The following CACNA2D3 variants were observed in gnomAD, a reference collection of about 807,000 sequenced individuals.
The protein encoded by CACNA2D3 is calcium voltage-gated channel auxiliary subunit alpha2delta 3.
In CACNA2D3, 60 loss-of-function variants were observed where a neutral mutation model predicts 160.6. The observed-to-expected ratio is 0.37, with a 90% CI of 0.30 to 0.46. CACNA2D3 has a LOEUF of 0.46. Among genes scored for constraint, CACNA2D3 ranks in the 20% least tolerant of loss-of-function variants. The pLI, the probability that CACNA2D3 is intolerant of heterozygous loss-of-function variation, is 1.00. For missense variants in CACNA2D3, 1,205 were observed against 1,365.0 expected (o/e 0.88, Z 1.85); for synonymous variants, 558 against 492.9 (o/e 1.13, Z -1.75).
chr3:54,159,746 T>C (rs1700308441), intron 2 of CACNA2D3, among the ~76,000 whole-genome samples: 1 of 152,184 alleles, frequency 6.6e-6, no homozygotes, highest in South Asian at 2.1e-4. Context: ...AGAATTTCCC[T>C]CTTTTGAAAA....
intron 16 of CACNA2D3, among the ~76,000 whole-genome samples, chr3:54,842,428 C>A (rs764578860): frequency 1.3e-5 from 2 of 152,112 alleles, no homozygotes; most frequent in African/African-American, 4.8e-5. Context: ...CTAAAATACA[C>A]AAACTGTAAC....
intron 17 of CACNA2D3, among the ~76,000 whole-genome samples, chr3:54,859,564 G>T (rs1256848533): frequency 6.6e-6 from 1 of 152,160 alleles, no homozygotes; most frequent in East Asian, 1.9e-4. Flanking sequence ...TCTACCCCGT[G>T]CCTGCCCCAG....
chr3:54,572,392 ACT>A (rs2106723797), intron 8 of CACNA2D3, among the ~76,000 whole-genome samples: 1 of 152,318 alleles, frequency 6.6e-6, no homozygotes, highest in Non-Finnish European at 1.5e-5. Flanking sequence ...CCTTCCACTC[ACT>A]GTGTGCAAGT....
At chr3:54,952,649 A>G (rs1575402922) in intron 27 of CACNA2D3, among the ~76,000 whole-genome samples, 1 of 152,130 alleles carries the variant, frequency 6.6e-6, no homozygotes, top group East Asian at 1.9e-4. Flanking sequence ...TTCTGCTTCT[A>G]TTCTGAAGTC....
intron 5 of CACNA2D3, among the ~76,000 whole-genome samples, chr3:54,504,926 G>A (rs1255527836): frequency 1.3e-5 from 2 of 152,198 alleles, no homozygotes; most frequent in East Asian, 3.8e-4. Context: ...TACAGAAAGT[G>A]CGCAGTGCAT....
At chr3:55,040,788 G>C (rs369625363) in intron 35 of CACNA2D3, among the ~76,000 whole-genome samples, 75 of 152,262 alleles carry the variant, frequency 4.9e-4, no homozygotes, top group African/African-American at 1.7e-3. Flanking sequence ...GATTTGAGGA[G>C]TGCTTTTTTC....
chr3:54,752,164 C>A (rs1258782783), intron 11 of CACNA2D3, among the ~76,000 whole-genome samples: 1 of 152,148 alleles, frequency 6.6e-6, no homozygotes, highest in Non-Finnish European at 1.5e-5. Context: ...TGCAGCCTGT[C>A]CTCACCATTG....
At chr3:55,072,215 ACATCT>A (rs1261800474) in intron 35 of CACNA2D3, among the ~76,000 whole-genome samples, 4 of 152,224 alleles carry the variant, frequency 2.6e-5, no homozygotes, top group Non-Finnish European at 4.4e-5. Context: ...CATTGAGGAA[ACATCT>A]TTGCACAGTG....
At chr3:54,643,713 G>A (rs1451237604) in intron 11 of CACNA2D3, among the ~76,000 whole-genome samples, 1 of 152,226 alleles carries the variant, frequency 6.6e-6, no homozygotes, top group Non-Finnish European at 1.5e-5. Context: ...TGTGAAAGGA[G>A]GAGACTGCTT....
At chr3:54,903,246 CCT>C (rs1209918499) in intron 27 of CACNA2D3, among the ~76,000 whole-genome samples, 1 of 152,222 alleles carries the variant, frequency 6.6e-6, no homozygotes, top group East Asian at 1.9e-4. Context: ...GTGTTGTTCC[CCT>C]CTCTGTGTCC....
At chr3:54,556,449 A>G (rs1190552177) in intron 5 of CACNA2D3, among the ~76,000 whole-genome samples, 2 of 152,208 alleles carry the variant, frequency 1.3e-5, no homozygotes, top group Non-Finnish European at 2.9e-5. Context: ...ACACTCTCTT[A>G]GAACCTCCAG....
In CACNA2D3 at chr3:54,447,699, A is replaced by C. The variant is rs192684649; in HGVS notation, c.382-55793A>C. Among the ~76,000 whole-genome samples the C allele has an allele frequency of 9.8e-5, 15 of 152,364 alleles. No homozygotes were observed. The East Asian group carries it at 2.9e-3, about 29-fold the overall frequency. On this transcript the variant is annotated intron_variant, in intron 4 of 37. Transcript: ENST00000474759. ...ACACGTCAAAGCAAATACAGGCCAG[A>C]GATCCTGACTTTCCTGTTCTTTTGA...
At chr3:54,493,892 C>A (rs1701155843) in intron 4 of CACNA2D3, among the ~76,000 whole-genome samples, 1 of 152,190 alleles carries the variant, frequency 6.6e-6, no homozygotes. Flanking sequence ...GACTCTGAAG[C>A]CCAAAATATT....
chr3:54,472,271 A>C (rs1412387626), intron 4 of CACNA2D3, among the ~76,000 whole-genome samples: 1 of 152,228 alleles, frequency 6.6e-6, no homozygotes, highest in Non-Finnish European at 1.5e-5. Context: ...GTAATCCATC[A>C]CATAAACAGA....
intron 35 of CACNA2D3, among the ~76,000 whole-genome samples, chr3:55,028,159 A>G (rs759553679): frequency 4.6e-5 from 7 of 152,254 alleles, no homozygotes; most frequent in Non-Finnish European, 8.8e-5. Flanking sequence ...AAATACATCA[A>G]GAGGTGACTC....
chr3:54,145,958 A>G (rs1160743146), intron 2 of CACNA2D3, among the ~76,000 whole-genome samples: 4 of 151,426 alleles, frequency 2.6e-5, no homozygotes, highest in Non-Finnish European at 4.4e-5. Flanking sequence ...TTTTTCACCT[A>G]CTTTCTCTTC....
chr3:54,729,168 G>C lies in CACNA2D3; in HGVS notation c.1168-23431G>C, dbSNP rs570938285. ...ACTCCTGGCCTCATGTGATCCACCC[G>C]CCTCGGCCTCCCAAAGTGCTGGGAT... On this transcript the variant is annotated intron_variant, in intron 11 of 37. Transcript: ENST00000474759. 5.1e-4 allele frequency among the ~76,000 whole-genome samples: 77 copies of C among 151,990 alleles called. 1 individual carries two copies. Among genetic ancestry groups the C allele is most frequent in the Middle Eastern group, 6.8e-3 (2 of 294 alleles).
chr3:54,918,993 AC>A, intron 27 of CACNA2D3: 10 of 906,742 alleles, frequency 1.1e-5, no homozygotes, highest in Middle Eastern at 3.6e-4. Flanking sequence ...TTTATGAAGT[AC>A]CTTTTTTTTT....
intron 31 of CACNA2D3, among the ~76,000 whole-genome samples, chr3:54,995,630 A>G (rs1702839264): frequency 6.6e-6 from 1 of 152,216 alleles, no homozygotes; most frequent in Admixed American, 6.5e-5. Flanking sequence ...TTTTTAATAA[A>G]TGCTTTAAAT....
Sources: gnomAD v4.1 joint callset for allele counts (sites outside exome capture counted in the v4.1 genomes callset) on GRCh38, gnomAD v4.1.1 for gene constraint, MANE v1.5 for transcripts, NCBI Gene and HGNC (gene_info 2026-07-23, HGNC 2026-07-21) for gene names.